Variants in USPL1 observed in about 807,000 individuals in gnomAD.
USPL1 encodes SUMO-specific isopeptidase USPL1.
A neutral mutation model predicts 51.5 loss-of-function variants in USPL1; 27 were observed. The ratio of observed to expected loss-of-function variants is 0.52; its 90% CI spans 0.39 to 0.72. USPL1 has a LOEUF of 0.72. USPL1 is among the 30% of genes least tolerant of loss of function. The pLI, the probability that USPL1 is intolerant of heterozygous loss-of-function variation, is 0.00. For synonymous variants in USPL1, 451 were observed against 459.6 expected (o/e 0.98, Z 0.24); for missense variants, 1,226 against 1,268.0 (o/e 0.97, Z 0.50).
intron 7 of USPL1, among the ~76,000 whole-genome samples, chr13:30,649,803 G>C (rs912512179): frequency 1.3e-5 from 2 of 152,130 alleles, no homozygotes; most frequent in African/African-American, 4.8e-5. Context: ...TTTTCCTAAG[G>C]ATAGATCTTT....
Position 30,660,032 on chromosome 13 carries a change from CG to C in USPL1, c.*680del. The C allele has an allele frequency of 6.6e-6, 1 of 152,402 alleles. No homozygotes were observed. Among genetic ancestry groups the C allele is most frequent in the African/African-American group, 2.4e-5 (1 of 41,552 alleles). 9.4% of individuals were successfully genotyped at this position (152,402 alleles called of 1,614,324 possible). On this transcript the variant is annotated 3_prime_UTR_variant, in exon 9 of 9. Transcript: ENST00000255304. Reference sequence around the variant, plus strand: ...GTCCAGAGGTCCTGCTGCTCTCAGACGGGGCCCTGGAGAGGATAGCTTCTAT... The same window carrying C: ...GTCCAGAGGTCCTGCTGCTCTCAGACGGGCCCTGGAGAGGATAGCTTCTAT...
At chr13:30,636,654 T>C (rs1421920546) in intron 4 of USPL1, among the ~76,000 whole-genome samples, 1 of 152,226 alleles carries the variant, frequency 6.6e-6, no homozygotes, top group Non-Finnish European at 1.5e-5. Context: ...CATAGATATG[T>C]GTGCCCAAAG....
chr13:30,647,726 A>G (rs1255385325), intron 7 of USPL1, among the ~76,000 whole-genome samples: 2 of 152,188 alleles, frequency 1.3e-5, no homozygotes, highest in African/African-American at 4.8e-5. Context: ...TCGTACATTA[A>G]GGAAATGTTT....
chr13:30,660,071 T>G lies in USPL1; in HGVS notation c.*715T>G, dbSNP rs951647274. 2.0e-5 allele frequency: 3 copies of G among 152,270 alleles called. No individual in the cohort carries two copies. The highest frequency in any genetic ancestry group is 4.4e-5 in the Non-Finnish European group (3 of 68,106). The allele number at this position is 152,270 out of a possible 1,614,324, so 9.4% of individuals were successfully genotyped here. The stretch of plus-strand genomic sequence containing the variant: ...GGATAGCTTCTATCCATAGGCAGGT[T>G]GTTCTGCCGTCTCTACAGGTCTCTG... On this transcript the variant is annotated 3_prime_UTR_variant, in exon 9 of 9. Coordinates refer to ENST00000255304, the MANE Select transcript of USPL1 (RefSeq NM_005800.5).
At chr13:30,640,623 G>A (rs934868438) in intron 5 of USPL1, among the ~76,000 whole-genome samples, 9 of 152,334 alleles carry the variant, frequency 5.9e-5, no homozygotes, top group Admixed American at 4.6e-4. Flanking sequence ...CCAGGAGGCA[G>A]TGGTTGCAGC....
chr13:30,621,363 C>T (rs568970929), intron 2 of USPL1, 124 bp downstream of exon 2: 92 of 668,222 alleles, frequency 1.4e-4, no homozygotes, highest in Non-Finnish European at 2.1e-4. Flanking sequence ...GGAAATCTTA[C>T]AGTAATGGCG....
intron 6 of USPL1, among the ~76,000 whole-genome samples, chr13:30,645,626 A>G (rs1047269538): frequency 1.9e-4 from 29 of 152,366 alleles, no homozygotes; most frequent in African/African-American, 6.7e-4. Flanking sequence ...ACTTATTTCC[A>G]CTTAATCTGA....
intron 5 of USPL1, among the ~76,000 whole-genome samples, chr13:30,640,214 C>A (rs1432017744): frequency 6.6e-6 from 1 of 151,948 alleles, no homozygotes; most frequent in Non-Finnish European, 1.5e-5. Context: ...TTTATATTGT[C>A]ATTATGAAAT....
chr13:30,647,174 A>T, intron 7 of USPL1, 117 bp downstream of exon 7: 6 of 1,206,846 alleles, frequency 5.0e-6, no homozygotes, highest in Non-Finnish European at 6.9e-6. Context: ...TTGAGTTAAC[A>T]TATATTTCTG....
rs1340732736 is a variant in USPL1, at chr13:30,657,934, TCTCAAAACCAATA to T, written c.1860_1872del (p.Lys621CysfsTer7). On this transcript the variant is annotated frameshift_variant, in exon 9 of 9. Coordinates refer to ENST00000255304, the MANE Select transcript of USPL1 (RefSeq NM_005800.5). LOFTEE classifies it low-confidence loss of function (END_TRUNC). Reference sequence around the variant, plus strand: ...AACCTGTAGCAGAAAATACAGGAATTCTCAAAACCAATACTTTGCTATCACAAGAATCACTAAT... The same window carrying T: ...AACCTGTAGCAGAAAATACAGGAATTCTTTGCTATCACAAGAATCACTAAT... 1 of 1,613,826 alleles carries T rather than the reference TCTCAAAACCAATA, an allele frequency of 6.2e-7. No homozygotes were observed. The highest frequency in any genetic ancestry group is 1.7e-5 in the Admixed American group (1 of 60,032).
Position 30,631,140 on chromosome 13 carries a change from T to C in USPL1, c.534T>C (p.Asp178=). 1 of 1,614,234 alleles carries C rather than the reference T, an allele frequency of 6.2e-7. No homozygotes were observed. The highest frequency in any genetic ancestry group is 8.5e-7 in the Non-Finnish European group (1 of 1,180,040). ...AGCGGAATGAGATTTTGGAAGCTGA[T>C]ACTGTTGACATGGCTACTACAAAAG... ...SLERNEILEA[D]TVDMATTKDP... Residue 178 remains aspartate (D), a synonymous_variant, in exon 4 of 9, where the codon GAT becomes GAC. Coordinates refer to ENST00000255304, the MANE Select transcript of USPL1 (RefSeq NM_005800.5).
chr13:30,618,738 G>A (rs1040654011), intron 1 of USPL1, among the ~76,000 whole-genome samples: 3 of 152,178 alleles, frequency 2.0e-5, no homozygotes, highest in Admixed American at 1.3e-4. Context: ...GGGGATGTTA[G>A]AAGAAAGATG....
Position 30,657,610 on chromosome 13 carries a change from C to T in USPL1, c.1533C>T (p.Cys511=). 6.2e-7 allele frequency: 1 copy of T among 1,614,180 alleles called. No individual in the cohort carries two copies. Among genetic ancestry groups the T allele is most frequent in the Non-Finnish European group, 8.5e-7 (1 of 1,180,024 alleles). Residue 511 remains cysteine, a synonymous_variant, in exon 9 of 9, where the codon TGC becomes TGT. Transcript: ENST00000255304. ...ISQVTDKEAA[C]LPLKKTNDQH... is the part of the protein sequence containing the mutation. ...AAGTGACAGATAAAGAAGCTGCCTG[C>T]CTTCCACTTAAAAAGACTAATGACC...
chr13:30,658,303 A>G lies in USPL1; in HGVS notation c.2226A>G (p.Leu742=). 1 of 1,614,050 alleles carries G rather than the reference A, an allele frequency of 6.2e-7. No homozygotes were observed. Among genetic ancestry groups the G allele is most frequent in the Non-Finnish European group, 8.5e-7 (1 of 1,180,016 alleles). ...CTCAAACCACAACATCTAAGTCATT[A>G]CAGAATCAGTCTCTGAAAGAAAATC... The part of the protein sequence containing the change: ...ADSQTTTSKS[L]QNQSLKENQK... Residue 742 remains leucine (L), a synonymous_variant, in exon 9 of 9, where the codon TTA becomes TTG. Transcript: ENST00000255304.
intron 8 of USPL1, among the ~76,000 whole-genome samples, chr13:30,656,446 G>A (rs555891981): frequency 6.6e-6 from 1 of 152,276 alleles, no homozygotes; most frequent in South Asian, 2.1e-4. Flanking sequence ...CCTCATAGAA[G>A]TGGAATCGTA....
At chr13:30,630,783 A>G (rs1159775909) in intron 3 of USPL1, 52 bp from the exon 4 acceptor site, 3 of 1,492,440 alleles carry the variant, frequency 2.0e-6, no homozygotes, top group South Asian at 2.7e-5. Context: ...ACTATAAAAC[A>G]TGAAGTTATT....
At position 30,660,224 on chromosome 13, in the gene USPL1, G is replaced by C. The variant is rs1444167835; in HGVS notation, c.*868G>C. 1 of 152,296 alleles carries C rather than the reference G, an allele frequency of 6.6e-6. No homozygotes were observed. The highest frequency in any genetic ancestry group is 2.1e-4 in the South Asian group (1 of 4,830). 9.4% of individuals were successfully genotyped at this position (152,296 alleles called of 1,614,324 possible). A position where few individuals can be genotyped will look rare whatever the true frequency, so the allele number is the denominator to read the frequency against. On this transcript the variant is annotated 3_prime_UTR_variant, in exon 9 of 9. Coordinates refer to ENST00000255304, the MANE Select transcript of USPL1 (RefSeq NM_005800.5). The stretch of plus-strand genomic sequence containing the variant: ...GTGCATACTTACTGGCCTGGAAAAG[G>C]CACCAGTTCCCACTCCTACAGGTGG...
chr13:30,641,903 A>G (rs983700382), intron 5 of USPL1, among the ~76,000 whole-genome samples: 2 of 151,310 alleles, frequency 1.3e-5, no homozygotes, highest in African/African-American at 4.9e-5. Flanking sequence ...AACCATTTCC[A>G]TAATTTTTTT....
chr13:30,643,028 TG>T (rs1950969571), intron 6 of USPL1, among the ~76,000 whole-genome samples: 1 of 152,190 alleles, frequency 6.6e-6, no homozygotes, highest in African/African-American at 2.4e-5. Context: ...TAGGCATTTT[TG>T]TTTATTCCTC....
Sources: gnomAD v4.1 joint callset for allele counts (sites outside exome capture counted in the v4.1 genomes callset) on GRCh38, gnomAD v4.1.1 for gene constraint, MANE v1.5 for transcripts, NCBI Gene and HGNC (gene_info 2026-07-23, HGNC 2026-07-21) for gene names.